SYNPR: variants seen among roughly 807,000 people sequenced by gnomAD.
SYNPR encodes synaptoporin.
A neutral mutation model predicts 32.9 loss-of-function variants in SYNPR; 23 were observed. The ratio of observed to expected loss-of-function variants is 0.70; its 90% CI spans 0.50 to 0.99. The LOEUF is 0.99. SYNPR is among the 50% of genes least tolerant of loss of function. SYNPR has a pLI of 0.00. For missense variants in SYNPR, 318 were observed against 349.3 expected (o/e 0.91, Z 0.71); for synonymous variants, 146 against 135.9 (o/e 1.07, Z -0.52).
intron 1 of SYNPR, among the ~76,000 whole-genome samples, chr3:63,248,808 C>T (rs947627791): frequency 6.6e-6 from 1 of 152,186 alleles, no homozygotes. Context: ...ATTACGTTAG[C>T]TGTCTCTCAT....
chr3:63,514,734 T>G (rs1312386395), intron 3 of SYNPR, among the ~76,000 whole-genome samples: 1 of 152,108 alleles, frequency 6.6e-6, no homozygotes, highest in Non-Finnish European at 1.5e-5. Flanking sequence ...GGTTCTGAAA[T>G]TAGCATTTTG....
At chr3:63,463,339 C>T (rs1356313824) in intron 2 of SYNPR, among the ~76,000 whole-genome samples, 5 of 152,038 alleles carry the variant, frequency 3.3e-5, no homozygotes, top group Non-Finnish European at 5.9e-5. Context: ...AAAAATGGAA[C>T]TGGTGACATG....
chr3:63,487,949 C>A (rs12634041), intron 3 of SYNPR, among the ~76,000 whole-genome samples: 2 of 151,910 alleles, frequency 1.3e-5, no homozygotes, highest in East Asian at 3.9e-4. Flanking sequence ...ACCATTCCCC[C>A]GCTCATGACT....
At chr3:63,427,988 A>G (rs933912808) in intron 2 of SYNPR, among the ~76,000 whole-genome samples, 4 of 152,148 alleles carry the variant, frequency 2.6e-5, no homozygotes, top group African/African-American at 9.7e-5. Context: ...ACCTCTAAGC[A>G]CTAGTTTTTT....
chr3:63,353,170 C>T (rs906375324), intron 2 of SYNPR, among the ~76,000 whole-genome samples: 1 of 152,230 alleles, frequency 6.6e-6, no homozygotes, highest in African/African-American at 2.4e-5. Context: ...AGTTGCTTGG[C>T]ATCTGCCAAG....
At chr3:63,218,736 A>G in the SYNPR span, among the ~76,000 whole-genome samples, 1 of 152,160 alleles carries the variant, frequency 6.6e-6, no homozygotes, top group East Asian at 1.9e-4. Flanking sequence ...AAGCGATACA[A>G]AGGGCCAGAG....
At chr3:63,410,736 C>A (rs1212191358) in intron 2 of SYNPR, among the ~76,000 whole-genome samples, 1 of 152,168 alleles carries the variant, frequency 6.6e-6, no homozygotes, top group African/African-American at 2.4e-5. Flanking sequence ...ATCAGGTTCA[C>A]CCCCACTAGA....
At chr3:63,243,301 T>TA (rs34619289) in intron 1 of SYNPR, among the ~76,000 whole-genome samples, 79,085 of 151,638 alleles carry the variant, frequency 0.52, 21,496 homozygotes, top group Non-Finnish European at 0.59. Flanking sequence ...CAGAAACAGG[T>TA]AAAAAATTTT....
At chr3:63,259,334 G>A (rs1349956632) in intron 2 of SYNPR, among the ~76,000 whole-genome samples, 1 of 152,058 alleles carries the variant, frequency 6.6e-6, no homozygotes, top group Non-Finnish European at 1.5e-5. Flanking sequence ...ATAAAATACT[G>A]ACACACCGAA....
At chr3:63,467,571 AATGATATGATGTCTG>A (rs1700707142) in intron 2 of SYNPR, among the ~76,000 whole-genome samples, 1 of 152,228 alleles carries the variant, frequency 6.6e-6, no homozygotes, top group African/African-American at 2.4e-5. Flanking sequence ...ATGAGATTTC[AATGATATGATGTCTG>A]TAAAGCACTT....
At chr3:63,608,020 T>G (rs1185060675) in intron 4 of SYNPR, among the ~76,000 whole-genome samples, 1 of 152,212 alleles carries the variant, frequency 6.6e-6, no homozygotes, top group Non-Finnish European at 1.5e-5. Context: ...AAATATACTT[T>G]TTTTCTTTCC....
chr3:63,421,044 C>G (rs1279785423), intron 2 of SYNPR, among the ~76,000 whole-genome samples: 3 of 152,072 alleles, frequency 2.0e-5, no homozygotes, highest in Non-Finnish European at 4.4e-5. Flanking sequence ...CCATGCCCAG[C>G]TAATTTTTAA....
intron 1 of SYNPR, among the ~76,000 whole-genome samples, chr3:63,252,095 A>C (rs752877951): frequency 6.6e-6 from 1 of 152,082 alleles, no homozygotes; most frequent in Admixed American, 6.5e-5. Flanking sequence ...ACTCTGATAT[A>C]AAAGATCTGC....
At chr3:63,531,295 C>T (rs995018528) in intron 3 of SYNPR, among the ~76,000 whole-genome samples, 2 of 152,122 alleles carry the variant, frequency 1.3e-5, no homozygotes, top group African/African-American at 4.8e-5. Flanking sequence ...AGTCTGAAAT[C>T]AAGGTAACAG....
intron 4 of SYNPR, among the ~76,000 whole-genome samples, chr3:63,603,313 T>C (rs2106895328): frequency 6.6e-6 from 1 of 152,332 alleles, no homozygotes; most frequent in East Asian, 1.9e-4. Context: ...ACTTCCTCTC[T>C]TCCTATTTGG....
intron 2 of SYNPR, among the ~76,000 whole-genome samples, chr3:63,459,151 A>G (rs1333920752): frequency 6.6e-6 from 1 of 151,942 alleles, no homozygotes; most frequent in East Asian, 1.9e-4. Context: ...GACAAATTCA[A>G]CCTTCTCTGC....
intron 2 of SYNPR, among the ~76,000 whole-genome samples, chr3:63,281,576 TCTC>T (rs1423198708): frequency 6.6e-6 from 1 of 152,126 alleles, no homozygotes; most frequent in Admixed American, 6.5e-5. Context: ...TGCTGTGTCT[TCTC>T]ATAGCAGAAG....
chr3:63,593,078 A>G (rs1005023455), intron 4 of SYNPR, among the ~76,000 whole-genome samples: 1 of 152,090 alleles, frequency 6.6e-6, no homozygotes, highest in African/African-American at 2.4e-5. Context: ...TGTATATAAT[A>G]AGACCAACAT....
At chr3:63,587,906 C>G (rs541242339) in intron 4 of SYNPR, among the ~76,000 whole-genome samples, 1 of 152,138 alleles carries the variant, frequency 6.6e-6, no homozygotes, top group African/African-American at 2.4e-5. Flanking sequence ...CAACTGCAAC[C>G]ATGCACAGTC....
Sources: gnomAD v4.1 joint callset for allele counts (sites outside exome capture counted in the v4.1 genomes callset) on GRCh38, gnomAD v4.1.1 for gene constraint, MANE v1.5 for transcripts, NCBI Gene and HGNC (gene_info 2026-07-23, HGNC 2026-07-21) for gene names.